ELP4: variants seen among roughly 807,000 people sequenced by gnomAD.
ELP4 encodes the protein elongator acetyltransferase complex subunit 4.
In ELP4, 51 loss-of-function variants were observed where a neutral mutation model predicts 48.9. The observed-to-expected ratio is 1.04, with a 90% CI of 0.83 to 1.32. ELP4 has a LOEUF of 1.32. Among genes scored for constraint, ELP4 ranks in the 40% most tolerant of loss-of-function variants. The pLI is 0.00. For missense variants in ELP4, 519 were observed against 514.6 expected, an observed-to-expected ratio of 1.01 and a Z score of -0.08; for synonymous variants, 210 against 189.2, an observed-to-expected ratio of 1.11 and a Z score of -0.90.
At chr11:31,611,958 A>G (rs1957988137) in intron 5 of ELP4, among the ~76,000 whole-genome samples, 1 of 152,216 alleles carries the variant, frequency 6.6e-6, no homozygotes, top group Non-Finnish European at 1.5e-5. Flanking sequence ...GAAGGTAATC[A>G]TGCAATGGGC....
chr11:31,515,027 G>GTA (rs1465007823), intron 1 of ELP4, among the ~76,000 whole-genome samples: 11 of 137,258 alleles, frequency 8.0e-5, no homozygotes, highest in African/African-American at 3.1e-4. Flanking sequence ...GTGTGTGTGT[G>GTA]TGTGTGTATA....
intron 9 of ELP4, among the ~76,000 whole-genome samples, chr11:31,674,783 A>T (rs143856671): frequency 1.3e-5 from 2 of 152,366 alleles, no homozygotes; most frequent in African/African-American, 4.8e-5. Flanking sequence ...GAAGGCACTC[A>T]TAAAATTAAA....
intron 9 of ELP4, among the ~76,000 whole-genome samples, chr11:31,730,067 C>T (rs1191559285): frequency 6.6e-6 from 1 of 152,188 alleles, no homozygotes; most frequent in Non-Finnish European, 1.5e-5. Flanking sequence ...AGTTAGGATA[C>T]TCCCACACCC....
chr11:31,696,001 A>G (rs1012403829), intron 9 of ELP4, among the ~76,000 whole-genome samples: 1 of 151,886 alleles, frequency 6.6e-6, no homozygotes, highest in African/African-American at 2.4e-5. Flanking sequence ...TTTCTGTGGC[A>G]TTCGTGGTGA....
chr11:31,719,657 G>T lies in ELP4; in HGVS notation c.1144-63736G>T, dbSNP rs1170244959. ...AGTTTTTATGTAAAAAAGAAATATA[G>T]GGCGAATTATACAGCATAAGAATTA... On this transcript the variant is annotated intron_variant, in intron 9 of 9. Coordinates refer to ENST00000640961, the MANE Select transcript of ELP4 (RefSeq NM_019040.5). 1.5e-5 allele frequency: 6 copies of T among 390,908 alleles called. No individual in the cohort carries two copies. The East Asian group carries it at 2.2e-4, about 14-fold the overall frequency. The allele number at this position is 390,908 out of a possible 1,614,324, so 24.2% of individuals were successfully genotyped here.
At chr11:31,679,830 AT>A (rs1946019858) in intron 9 of ELP4, among the ~76,000 whole-genome samples, 1 of 152,054 alleles carries the variant, frequency 6.6e-6, no homozygotes, top group Non-Finnish European at 1.5e-5. Flanking sequence ...ACTTGCTTGG[AT>A]TTTTATTTGG....
intron 9 of ELP4, among the ~76,000 whole-genome samples, chr11:31,770,518 T>A (rs2134268516): frequency 6.6e-6 from 1 of 151,824 alleles, no homozygotes; most frequent in East Asian, 1.9e-4. Flanking sequence ...AAATGATTTT[T>A]TTTTCAGTTC....
At chr11:31,718,689 C>T (rs1176167067) in intron 9 of ELP4, among the ~76,000 whole-genome samples, 1 of 152,210 alleles carries the variant, frequency 6.6e-6, no homozygotes, top group African/African-American at 2.4e-5. Flanking sequence ...CCTGGACTTC[C>T]TCACACATGG....
Position 31,603,854 on chromosome 11 carries a change from G to T in ELP4, c.600G>T (p.Trp200Cys). ...AAGAACTAATTGAGGCTTCAAATTG[G>T]CATGGATTTTTTCTTCCAGAGAAAA... is the stretch of plus-strand genomic sequence containing the variant. ...MPQELIEASN[W>C]HGFFLPEKIS... is the part of the protein sequence containing the mutation. The change falls in exon 5 of 10, where the codon TGG becomes TGT. Residue 200 changes from tryptophan (W) to cysteine (C), a missense_variant. Trp to Cys is a radical substitution (Grantham distance 215). Coordinates refer to ENST00000640961, the MANE Select transcript of ELP4 (RefSeq NM_019040.5). 1 of 1,611,628 alleles carries T rather than the reference G, an allele frequency of 6.2e-7. No individual in the cohort carries two copies. Among genetic ancestry groups the T allele is most frequent in the Non-Finnish European group, 8.5e-7 (1 of 1,178,382 alleles).
intron 9 of ELP4, among the ~76,000 whole-genome samples, chr11:31,776,025 T>A (rs1319840479): frequency 6.6e-6 from 1 of 151,804 alleles, no homozygotes; most frequent in Non-Finnish European, 1.5e-5. Flanking sequence ...GTGGCATGCA[T>A]CTGCGGTCCC....
At chr11:31,618,099 G>A (rs536223068) in intron 5 of ELP4, among the ~76,000 whole-genome samples, 1 of 152,064 alleles carries the variant, frequency 6.6e-6, no homozygotes, top group African/African-American at 2.4e-5. Flanking sequence ...CAACTGATGA[G>A]TGGATAAAAA....
At chr11:31,763,141 A>T (rs1359975558) in intron 9 of ELP4, among the ~76,000 whole-genome samples, 1 of 152,162 alleles carries the variant, frequency 6.6e-6, no homozygotes, top group Non-Finnish European at 1.5e-5. Flanking sequence ...TTTAAAATTA[A>T]CATGTCACTG....
At chr11:31,739,328 T>C (rs1457062292) in intron 9 of ELP4, among the ~76,000 whole-genome samples, 1 of 152,222 alleles carries the variant, frequency 6.6e-6, no homozygotes. Flanking sequence ...GAGACTGATA[T>C]TTATTATGGA....
At chr11:31,755,024 G>A (rs895134630) in intron 9 of ELP4, among the ~76,000 whole-genome samples, 2 of 152,196 alleles carry the variant, frequency 1.3e-5, no homozygotes, top group Middle Eastern at 3.4e-3. Context: ...GCCCAAAGGA[G>A]GGAAAATATA....
chr11:31,565,748 C>T (rs1285828670), intron 3 of ELP4, among the ~76,000 whole-genome samples: 1 of 151,804 alleles, frequency 6.6e-6, no homozygotes, highest in African/African-American at 2.4e-5. Context: ...TGTTTTGGTA[C>T]CAGTACCATG....
At chr11:31,778,681 C>A (rs1342232492) in intron 9 of ELP4, among the ~76,000 whole-genome samples, 1 of 152,192 alleles carries the variant, frequency 6.6e-6, no homozygotes, top group Non-Finnish European at 1.5e-5. Context: ...GCTTAACCAG[C>A]TGAATTGACT....
chr11:31,722,586 C>T (rs1254776725), intron 9 of ELP4, among the ~76,000 whole-genome samples: 9 of 151,768 alleles, frequency 5.9e-5, no homozygotes, highest in Non-Finnish European at 1.3e-4. Context: ...AAATGTGGGT[C>T]CTGTGGTTCA....
intron 3 of ELP4, among the ~76,000 whole-genome samples, chr11:31,544,566 G>C (rs530014595): frequency 1.3e-5 from 2 of 152,214 alleles, no homozygotes; most frequent in Non-Finnish European, 2.9e-5. Flanking sequence ...TCCACCTCTC[G>C]GGGCAGGGCA....
At chr11:31,608,180 G>A (rs560460774) in intron 5 of ELP4, among the ~76,000 whole-genome samples, 1 of 152,014 alleles carries the variant, frequency 6.6e-6, no homozygotes, top group African/African-American at 2.4e-5. Context: ...GGGTATAATG[G>A]AATGGTAAAG....
Sources: gnomAD v4.1 joint callset for allele counts (sites outside exome capture counted in the v4.1 genomes callset) on GRCh38, gnomAD v4.1.1 for gene constraint, MANE v1.5 for transcripts, NCBI Gene and HGNC (gene_info 2026-07-23, HGNC 2026-07-21) for gene names.